The following TENM4 variants were observed in gnomAD, a reference collection of about 807,000 sequenced individuals.
TENM4 encodes teneurin transmembrane protein 4, also known as teneurin-4.
In TENM4, 82 loss-of-function variants were observed where a neutral mutation model predicts 243.3. The observed-to-expected ratio is 0.34, with a 90% CI of 0.28 to 0.40. TENM4 has a LOEUF of 0.40. TENM4 is among the 10% of genes least tolerant of loss of function. The pLI, the probability that TENM4 is intolerant of heterozygous loss-of-function variation, is 1.00. For missense variants in TENM4, 3,138 were observed against 3,673.3 expected, an observed-to-expected ratio of 0.85 and a Z score of 3.77; for synonymous variants, 1,412 against 1,456.3, an observed-to-expected ratio of 0.97 and a Z score of 0.69.
chr11:79,350,444 T>C (rs1187666325), intron 1 of TENM4, among the ~76,000 whole-genome samples: 3 of 148,850 alleles, frequency 2.0e-5, no homozygotes, highest in Non-Finnish European at 4.5e-5. Flanking sequence ...TTTTTTTTTT[T>C]CCTGAGACAG....
chr11:78,938,571 C>T (rs143261188), intron 6 of TENM4, among the ~76,000 whole-genome samples: 1 of 151,984 alleles, frequency 6.6e-6, no homozygotes, highest in African/African-American at 2.4e-5. Flanking sequence ...GAAAAATATG[C>T]CCTCTACTTA....
intron 4 of TENM4, among the ~76,000 whole-genome samples, chr11:79,124,975 G>A (rs540508929): frequency 4.0e-5 from 6 of 149,614 alleles, no homozygotes; most frequent in South Asian, 4.2e-4. Flanking sequence ...CCCTAATACA[G>A]ATTTTGGGAC....
chr11:78,864,380 G>GCCGAGATC (rs1237515845), intron 9 of TENM4, among the ~76,000 whole-genome samples: 1 of 123,686 alleles, frequency 8.1e-6, no homozygotes, highest in East Asian at 2.4e-4. Flanking sequence ...CTTGCAGTGA[G>GCCGAGATC]CCGAGATCCC....
At chr11:79,244,728 C>A (rs959440426) in intron 2 of TENM4, among the ~76,000 whole-genome samples, 10 of 152,120 alleles carry the variant, frequency 6.6e-5, no homozygotes, top group Non-Finnish European at 1.5e-4. Flanking sequence ...TGTTATAAAA[C>A]AAACAGTCAT....
At chr11:79,059,492 G>A (rs1373430174) in intron 6 of TENM4, among the ~76,000 whole-genome samples, 1 of 152,174 alleles carries the variant, frequency 6.6e-6, no homozygotes, top group African/African-American at 2.4e-5. Flanking sequence ...GTGAATTAAG[G>A]CCCAACACAG....
intron 1 of TENM4, among the ~76,000 whole-genome samples, chr11:79,342,205 C>T (rs966737767): frequency 6.6e-6 from 1 of 152,118 alleles, no homozygotes; most frequent in African/African-American, 2.4e-5. Flanking sequence ...TGCCAGAATG[C>T]AGATATGGAG....
At chr11:78,704,424 A>G (rs1454809433) in intron 27 of TENM4, among the ~76,000 whole-genome samples, 2 of 152,078 alleles carry the variant, frequency 1.3e-5, no homozygotes, top group Non-Finnish European at 2.9e-5. Flanking sequence ...AATAATGACA[A>G]AGACCGAGAA....
chr11:79,320,790 C>T (rs1156691339), intron 1 of TENM4, among the ~76,000 whole-genome samples: 1 of 152,144 alleles, frequency 6.6e-6, no homozygotes, highest in Non-Finnish European at 1.5e-5. Flanking sequence ...GATTACAGTG[C>T]TCCAGGCACT....
intron 30 of TENM4, among the ~76,000 whole-genome samples, chr11:78,673,239 G>A (rs1458867650): frequency 6.6e-6 from 1 of 152,088 alleles, no homozygotes; most frequent in Non-Finnish European, 1.5e-5. Context: ...TATACTTCAG[G>A]GGCCTGTTTC....
intron 17 of TENM4, among the ~76,000 whole-genome samples, chr11:78,771,901 T>C (rs1856653893): frequency 6.6e-6 from 1 of 152,244 alleles, no homozygotes; most frequent in African/African-American, 2.4e-5. Flanking sequence ...TGCCTGTCTG[T>C]CATTTATTAA....
intron 1 of TENM4, among the ~76,000 whole-genome samples, chr11:79,336,579 A>G (rs545482391): frequency 6.6e-6 from 1 of 152,330 alleles, no homozygotes; most frequent in South Asian, 2.1e-4. Context: ...ATTGGGCTCC[A>G]TTTGCTTTCT....
chr11:79,435,273 T>C (rs1859248645), intron 1 of TENM4, among the ~76,000 whole-genome samples: 1 of 152,112 alleles, frequency 6.6e-6, no homozygotes, highest in Non-Finnish European at 1.5e-5. Flanking sequence ...CCGGAAGCAA[T>C]AGGCACATAT....
intron 6 of TENM4, among the ~76,000 whole-genome samples, chr11:78,965,528 T>C (rs970779868): frequency 6.6e-6 from 1 of 152,248 alleles, no homozygotes; most frequent in Non-Finnish European, 1.5e-5. Context: ...CATGATATGT[T>C]GTTTCAGGGT....
At chr11:79,022,921 C>T (rs1379101367) in intron 6 of TENM4, among the ~76,000 whole-genome samples, 1 of 152,116 alleles carries the variant, frequency 6.6e-6, no homozygotes, top group Non-Finnish European at 1.5e-5. Flanking sequence ...ATTACAATAA[C>T]CCTGTAAGAC....
intron 1 of TENM4, among the ~76,000 whole-genome samples, chr11:79,382,197 G>C (rs575185341): frequency 6.6e-6 from 1 of 152,258 alleles, no homozygotes; most frequent in South Asian, 2.1e-4. Flanking sequence ...TCGTCTGGCC[G>C]GGCAGCCTTC....
chr11:79,434,347 G>A (rs1053816000), intron 1 of TENM4, among the ~76,000 whole-genome samples: 7 of 152,114 alleles, frequency 4.6e-5, no homozygotes, highest in Non-Finnish European at 7.3e-5. Context: ...TGTTTGCTTT[G>A]TAAGATCTCC....
At chr11:78,849,308 T>C (rs1030649276) in intron 12 of TENM4, among the ~76,000 whole-genome samples, 6 of 152,228 alleles carry the variant, frequency 3.9e-5, no homozygotes, top group Non-Finnish European at 7.3e-5. Flanking sequence ...GTTGATGTAA[T>C]ATGGTTATTA....
At chr11:78,937,885 T>C (rs1856819689) in intron 6 of TENM4, among the ~76,000 whole-genome samples, 2 of 152,234 alleles carry the variant, frequency 1.3e-5, no homozygotes, top group Non-Finnish European at 2.9e-5. Context: ...GCTCAGCTTA[T>C]TGGAAAATGA....
At chr11:79,121,176 T>TTTTCTTGTTTACATAGGC (rs59325957) in intron 4 of TENM4, among the ~76,000 whole-genome samples, 1 of 151,324 alleles carries the variant, frequency 6.6e-6, no homozygotes, top group African/African-American at 2.4e-5. Flanking sequence ...TCCATTCTAG[T>TTTTCTTGTTTACATAGGC]TTTCTTGTTT....
Sources: allele counts gnomAD v4.1 joint callset (sites outside exome capture counted in the v4.1 genomes callset), GRCh38; gene constraint gnomAD v4.1.1; transcripts MANE v1.5; gene names NCBI Gene and HGNC (gene_info 2026-07-23, HGNC 2026-07-21).